Variants in LSM8 observed in about 807,000 individuals in gnomAD.
The protein encoded by LSM8 is LSM8 homolog, U6 small nuclear RNA associated.
LSM8 carries 14 observed loss-of-function variants against 15.0 expected under a neutral mutation model. The ratio of observed to expected loss-of-function variants is 0.93; its 90% CI spans 0.62 to 1.46. LSM8 has a LOEUF of 1.46. LSM8 is among the 40% of genes most tolerant of loss of function. The pLI, the probability that LSM8 is intolerant of heterozygous loss-of-function variation, is 0.00. For missense variants in LSM8, 90 were observed against 115.4 expected (o/e 0.78, Z 1.01); for synonymous variants, 50 against 42.1 (o/e 1.19, Z -0.73).
Position 118,184,234 on chromosome 7 carries a change from C to T in LSM8, c.11C>T (p.Ala4Val), listed in dbSNP as rs1808842022. 1 of 1,540,456 alleles carries T rather than the reference C, an allele frequency of 6.5e-7. No homozygotes were observed. The highest frequency in any genetic ancestry group is 8.8e-7 in the Non-Finnish European group (1 of 1,141,558). The change falls in exon 1 of 4, where the codon GCT becomes GTT. Residue 4 changes from alanine (A) to valine (V), a missense_variant. By Grantham distance (64) the Ala-to-Val change is moderately conservative (BLOSUM62 0). Transcript: ENST00000249299. ...GCCGGGCCGAACAGCATGACGTCCG[C>T]TTTGGAGAACTACATCAACCGTATC... MTS[A>V]LENYINRTVA...
In LSM8 at chr7:118,184,259, C is replaced by G; in HGVS notation, c.31+5C>G. ...CTTTGGAGAACTACATCAACCGTATCCTCAAGCTGGCCGCCGCGGGCGTGA... is the reference window on the plus strand; with the variant it reads ...CTTTGGAGAACTACATCAACCGTATGCTCAAGCTGGCCGCCGCGGGCGTGA... On this transcript the variant is annotated splice_donor_5th_base_variant and intron_variant, in intron 1 of 3. Transcript: ENST00000249299. The G allele has an allele frequency of 6.7e-7, 1 of 1,494,282 alleles. No individual in the cohort carries two copies. The highest frequency in any genetic ancestry group is 9.0e-7 in the Non-Finnish European group (1 of 1,113,580). 92.6% of individuals were successfully genotyped at this position (1,494,282 alleles called of 1,614,324 possible). A position where few individuals can be genotyped will look rare whatever the true frequency, so the allele number is the denominator to read the frequency against.
chr7:118,185,820 C>T, intron 2 of LSM8, 126 bp downstream of exon 2: 1 of 798,824 alleles, frequency 1.3e-6, no homozygotes, highest in Non-Finnish European at 2.0e-6. Context: ...TATTATAATT[C>T]AGCTCTTTAT....
intron 2 of LSM8, among the ~76,000 whole-genome samples, chr7:118,186,665 C>T (rs6948367): frequency 0.15 from 22,800 of 152,168 alleles, 3,179 homozygotes; most frequent in African/African-American, 0.35. Flanking sequence ...GAGAAGGTGA[C>T]TCACTTTCTC....
rs1207895022 is a variant in LSM8, at chr7:118,194,303, T to C, written c.*2301T>C. Among the ~76,000 whole-genome samples the C allele has an allele frequency of 7.2e-5, 11 of 152,202 alleles. No individual in the cohort carries two copies. Among genetic ancestry groups the C allele is most frequent in the Non-Finnish European group, 1.6e-4 (11 of 67,956 alleles). ...CCCAGCTTAATGAATCAAAGAGATG[T>C]TTCTTGGCAAGATATTTTCATTAAA... On this transcript the variant is annotated 3_prime_UTR_variant, in exon 4 of 4. Transcript: ENST00000249299.
At chr7:118,191,860 A>G in intron 3 of LSM8, 52 bp from the exon 4 acceptor site, 2 of 1,393,346 alleles carry the variant, frequency 1.4e-6, no homozygotes, top group Admixed American at 1.8e-5. Context: ...GATTTTTGAA[A>G]CACATGTAAT....
rs34329832 is a variant in LSM8 at position 118,197,195 on chromosome 7, GT to G, written c.*5207del. 0.63 allele frequency among the ~76,000 whole-genome samples: 91,240 copies of G among 145,266 alleles called. 28,456 individuals are homozygous for G. The highest frequency in any genetic ancestry group is 0.76 in the South Asian group (3,475 of 4,550). ...CTGCATATATTTTGCTATTATGTAG[GT>G]TTTTTTTTTTTTTCCACATATACTG... On this transcript the variant is annotated 3_prime_UTR_variant, in exon 4 of 4. Transcript: ENST00000249299.
chr7:118,188,576 A>G (rs1808925417), intron 3 of LSM8, 171 bp downstream of exon 3: 2 of 544,456 alleles, frequency 3.7e-6, no homozygotes, highest in Admixed American at 3.8e-5. Flanking sequence ...AGGCATATGT[A>G]TACATTTTAT....
Position 118,202,777 on chromosome 7 carries a change from G to A in LSM8, c.*10775G>A, listed in dbSNP as rs1809191003. Among the ~76,000 whole-genome samples, 1 of 151,860 alleles carries A rather than the reference G, an allele frequency of 6.6e-6. No individual in the cohort carries two copies. Among genetic ancestry groups the A allele is most frequent in the Non-Finnish European group, 1.5e-5 (1 of 67,908 alleles). On this transcript the variant is annotated 3_prime_UTR_variant, in exon 4 of 4. Transcript: ENST00000249299. ...AACCAACAATGCTGCCATTGTGCTA[G>A]TATAGAAGCAAGTATCTCAGAGGCA...
chr7:118,184,228 C>T lies in LSM8; in HGVS notation c.5C>T (p.Thr2Met), dbSNP rs1808841624. ...GGAACCGCCGGGCCGAACAGCATGA[C>T]GTCCGCTTTGGAGAACTACATCAAC... M[T>M]SALENYINRT... The change falls in exon 1 of 4, where the codon ACG (threonine) becomes ATG (methionine). Residue 2 changes from threonine (T) to methionine (M), a missense_variant. Thr to Met is a moderately conservative substitution (Grantham distance 81, BLOSUM62 -1). Transcript: ENST00000249299. The T allele has an allele frequency of 1.3e-6, 2 of 1,541,698 alleles. No individual in the cohort carries two copies. The highest frequency in any genetic ancestry group is 2.5e-5 in the East Asian group (1 of 39,358).
chr7:118,184,616 A>C (rs1469738874), intron 1 of LSM8: 4 of 190,878 alleles, frequency 2.1e-5, no homozygotes, highest in Non-Finnish European at 4.3e-5. Context: ...CAGTTTTGCA[A>C]ATCTTTGTAC....
chr7:118,185,470 C>G, intron 1 of LSM8, 184 bp from the exon 2 acceptor site: 1 of 583,704 alleles, frequency 1.7e-6, no homozygotes, highest in Non-Finnish European at 3.0e-6. Flanking sequence ...GGTCTCACCT[C>G]AAGTGATCCT....
chr7:118,195,373 G>A lies in LSM8; in HGVS notation c.*3371G>A, dbSNP rs972278303. Among the ~76,000 whole-genome samples, 2 of 152,046 alleles carry A rather than the reference G, an allele frequency of 1.3e-5. No homozygotes were observed. Among genetic ancestry groups the A allele is most frequent in the African/African-American group, 2.4e-5 (1 of 41,424 alleles). On this transcript the variant is annotated 3_prime_UTR_variant, in exon 4 of 4. Transcript: ENST00000249299. ...GCATTAGACTGCATTTTAAACATTT[G>A]GTATGATTTTGAGGACATAACCGTA...
rs1256431252 is a variant in LSM8, at chr7:118,196,029, T to C, written c.*4027T>C. 6.6e-6 allele frequency among the ~76,000 whole-genome samples: 1 copy of C among 152,216 alleles called. No individual in the cohort carries two copies. Among genetic ancestry groups the C allele is most frequent in the African/African-American group, 2.4e-5 (1 of 41,438 alleles). On this transcript the variant is annotated 3_prime_UTR_variant, in exon 4 of 4. Coordinates refer to ENST00000249299, the MANE Select transcript of LSM8 (RefSeq NM_016200.5). ...CATTCCTCTGTATAGTGGGAAACCA[T>C]GAGACGTGCTTAGTCTTCATAAATC... is the stretch of plus-strand genomic sequence containing the variant.
rs1809161245 is a variant in LSM8, at chr7:118,200,858, C to G, written c.*8856C>G. Among the ~76,000 whole-genome samples, 1 of 151,966 alleles carries G rather than the reference C, an allele frequency of 6.6e-6. No individual in the cohort carries two copies. The highest frequency in any genetic ancestry group is 1.5e-5 in the Non-Finnish European group (1 of 67,944). On this transcript the variant is annotated 3_prime_UTR_variant, in exon 4 of 4. Coordinates refer to ENST00000249299, the MANE Select transcript of LSM8 (RefSeq NM_016200.5). The stretch of plus-strand genomic sequence containing the variant: ...CTCCCATCCCAGTTTCTACTTGTTT[C>G]TTGTAAAAAAGGAGGTTTCTAAATC...
At position 118,200,964 on chromosome 7, in the gene LSM8, A is replaced by G. The variant is rs1299374804; in HGVS notation, c.*8962A>G. 2.0e-5 allele frequency among the ~76,000 whole-genome samples: 3 copies of G among 152,118 alleles called. No individual in the cohort carries two copies. Among genetic ancestry groups the G allele is most frequent in the Non-Finnish European group, 4.4e-5 (3 of 68,008 alleles). ...CATATACACTAATATTAGTATCTAA[A>G]TTATATTAAAATCTAATTTGGTAGC... On this transcript the variant is annotated 3_prime_UTR_variant, in exon 4 of 4. Transcript: ENST00000249299.
intron 3 of LSM8, chr7:118,191,663 AT>A (rs1179140193): frequency 2.4e-6 from 1 of 410,746 alleles, no homozygotes; most frequent in Non-Finnish European, 4.4e-6. Flanking sequence ...ACTGTGTACA[AT>A]GTGTCCTTTA....
In LSM8 at chr7:118,203,188, T is replaced by C. The variant is rs1809195905; in HGVS notation, c.*11186T>C. On this transcript the variant is annotated 3_prime_UTR_variant, in exon 4 of 4. Coordinates refer to ENST00000249299, the MANE Select transcript of LSM8 (RefSeq NM_016200.5). ...AAGCAAGATGTTCTAAGAAGACTCA[T>C]TTAAAAAATTAATCTCAAAAAACAG... is the stretch of plus-strand genomic sequence containing the variant. Among the ~76,000 whole-genome samples, 1 of 151,936 alleles carries C rather than the reference T, an allele frequency of 6.6e-6. No homozygotes were observed.
rs1584709474 is a variant in LSM8 at position 118,196,035 on chromosome 7, G to A, written c.*4033G>A. Among the ~76,000 whole-genome samples the A allele has an allele frequency of 6.6e-6, 1 of 152,284 alleles. No individual in the cohort carries two copies. Among genetic ancestry groups the A allele is most frequent in the East Asian group, 1.9e-4 (1 of 5,176 alleles). On this transcript the variant is annotated 3_prime_UTR_variant, in exon 4 of 4. Transcript: ENST00000249299. Reference sequence around the variant, plus strand: ...TCTGTATAGTGGGAAACCATGAGACGTGCTTAGTCTTCATAAATCGATGCT... The same window carrying A: ...TCTGTATAGTGGGAAACCATGAGACATGCTTAGTCTTCATAAATCGATGCT...
Position 118,202,415 on chromosome 7 carries a change from A to G in LSM8, c.*10413A>G, listed in dbSNP as rs539446113. Among the ~76,000 whole-genome samples the G allele has an allele frequency of 2.2e-3, 337 of 152,134 alleles. 1 individual carries two copies. Among genetic ancestry groups the G allele is most frequent in the African/African-American group, 7.5e-3 (311 of 41,544 alleles). On this transcript the variant is annotated 3_prime_UTR_variant, in exon 4 of 4. Transcript: ENST00000249299. Reference sequence around the variant, plus strand: ...TACTCAAAGAAGTGACCCAGTACCCAGGCCACTATTTTCTCTTTGCCATCC... The same window carrying G: ...TACTCAAAGAAGTGACCCAGTACCCGGGCCACTATTTTCTCTTTGCCATCC...
Sources: allele counts gnomAD v4.1 joint callset (sites outside exome capture counted in the v4.1 genomes callset), GRCh38; gene constraint gnomAD v4.1.1; transcripts MANE v1.5; gene names NCBI Gene and HGNC (gene_info 2026-07-23, HGNC 2026-07-21).